Variants in FAS observed in about 807,000 individuals in gnomAD.
FAS encodes Fas cell surface death receptor.
FAS carries 5 observed loss-of-function variants against 33.2 expected under a neutral mutation model. The ratio of observed to expected loss-of-function variants is 0.15; its 90% CI spans 0.08 to 0.32. FAS has a LOEUF of 0.32. FAS is among the 10% of genes least tolerant of loss of function. The pLI is 1.00. For synonymous variants in FAS, 131 were observed against 130.7 expected, an observed-to-expected ratio of 1.00 and a Z score of -0.01; for missense variants, 339 against 386.0, an observed-to-expected ratio of 0.88 and a Z score of 1.02.
At chr10:88,989,153 A>G (rs1393137918), upstream of FAS, among the ~76,000 whole-genome samples, 2 of 152,112 alleles carry the variant, frequency 1.3e-5, no homozygotes, top group Non-Finnish European at 2.9e-5. Flanking sequence ...CACTCATCTC[A>G]CTGGGCTATA....
At chr10:88,989,688 G>A (rs1403859695), upstream of FAS, 1 of 426,358 alleles carries the variant, frequency 2.3e-6, no homozygotes, top group Non-Finnish European at 4.6e-6. Context: ...TGTCAACTGA[G>A]AGGAAGCCTG....
intron 1 of FAS, among the ~76,000 whole-genome samples, chr10:88,997,289 T>A (rs904570136): frequency 1.3e-5 from 2 of 152,146 alleles, no homozygotes; most frequent in Non-Finnish European, 2.9e-5. Context: ...AGGATTCTGA[T>A]GTCTGTCGGG....
Position 89,014,391 on chromosome 10 carries a change from G to C in FAS, c.949G>C (p.Asp317His). 6.2e-7 allele frequency: 1 copy of C among 1,613,198 alleles called. No homozygotes were observed. Among genetic ancestry groups the C allele is most frequent in the Non-Finnish European group, 8.5e-7 (1 of 1,179,934 alleles). Residue 317 changes from aspartate (D) to histidine (H), a missense_variant, in exon 9 of 9, where the codon GAC (aspartate) becomes CAC (histidine). Around this residue, in one of 3 missense-constraint regions of FAS, gnomAD observed 52 missense variants for 52.7 expected, o/e 0.99. Transcript: ENST00000652046. ...AEKIQTIILK[D>H]ITSDSENSNF... is the part of the protein sequence containing the mutation. ...GAAAATTCAGACTATCATCCTCAAGGACATTACTAGTGACTCAGAAAATTC... is the reference window on the plus strand; with the variant it reads ...GAAAATTCAGACTATCATCCTCAAGCACATTACTAGTGACTCAGAAAATTC...
intron 7 of FAS, chr10:89,012,474 G>A (rs934935557): frequency 8.5e-5 from 19 of 222,928 alleles, no homozygotes; most frequent in Admixed American, 7.3e-4. Context: ...CATCACATCC[G>A]GCCTGTTACT....
rs1589495225 is a variant in FAS, at chr10:89,015,580, A to G, written c.*1130A>G. 1.9e-6 allele frequency: 1 copy of G among 518,330 alleles called. No homozygotes were observed. 32.1% of individuals were successfully genotyped at this position (518,330 alleles called of 1,614,324 possible). A position where few individuals can be genotyped will look rare whatever the true frequency, so the allele number is the denominator to read the frequency against. On this transcript the variant is annotated 3_prime_UTR_variant, in exon 9 of 9. Coordinates refer to ENST00000652046, the MANE Select transcript of FAS (RefSeq NM_000043.6). ...TTCTCCTTACTACTATCCTACGTTT[A>G]AATATCTTTGAAAGTTTGTATTAAA...
At chr10:88,990,589 C>T (rs938458478), upstream of FAS, 9 of 671,114 alleles carry the variant, frequency 1.3e-5, no homozygotes, top group African/African-American at 5.3e-5. The surrounding 1 kb of genome is among the most constrained non-coding windows in gnomAD (Gnocchi z 4.9). Flanking sequence ...CCCGGGCGTT[C>T]CCCAGCGAGG....
At chr10:89,001,430 C>T (rs765709362) in intron 1 of FAS, among the ~76,000 whole-genome samples, 10 of 151,794 alleles carry the variant, frequency 6.6e-5, no homozygotes, top group Admixed American at 1.3e-4. Context: ...CCATTTGCCA[C>T]ACTGACACTG....
chr10:88,978,364 T>C (rs550808325), intron 2 of FAS, among the ~76,000 whole-genome samples: 86 of 151,698 alleles, frequency 5.7e-4, no homozygotes, highest in Admixed American at 1.8e-3. Context: ...CTAACCTGCA[T>C]AATGTGCACA....
upstream of FAS, chr10:88,989,555 C>T: frequency 1.8e-6 from 1 of 542,222 alleles, no homozygotes; most frequent in South Asian, 1.4e-5. Flanking sequence ...CAGAGACAAG[C>T]CTATCAACAC....
intron 8 of FAS, among the ~76,000 whole-genome samples, 175 bp downstream of exon 8, chr10:89,013,542 A>AAT: frequency 6.6e-6 from 1 of 152,050 alleles, no homozygotes; most frequent in Non-Finnish European, 1.5e-5. Context: ...TAAATTTATA[A>AAT]TGAATACTCA....
chr10:88,975,294 C>T (rs757977565), intron 2 of FAS: 15 of 152,178 alleles, frequency 9.9e-5, no homozygotes, highest in African/African-American at 2.6e-4. Flanking sequence ...AAATCAGAGG[C>T]GGAAGAAACC....
At chr10:88,985,643 G>T (rs1251746964), upstream of FAS, among the ~76,000 whole-genome samples, 1 of 152,160 alleles carries the variant, frequency 6.6e-6, no homozygotes, top group Non-Finnish European at 1.5e-5. Context: ...CTGGTAAAGA[G>T]TCCCCCACCC....
At chr10:88,982,901 C>T (rs1430350152), upstream of FAS, among the ~76,000 whole-genome samples, 1 of 152,046 alleles carries the variant, frequency 6.6e-6, no homozygotes, top group Non-Finnish European at 1.5e-5. Flanking sequence ...GTTAATTGGT[C>T]CTTATCTGTT....
At chr10:88,985,901 T>C (rs1339684230), upstream of FAS, among the ~76,000 whole-genome samples, 2 of 152,228 alleles carry the variant, frequency 1.3e-5, no homozygotes, top group Non-Finnish European at 2.9e-5. Flanking sequence ...CCACTAGTAG[T>C]TTGGGAAACA....
chr10:88,970,399 C>G (rs1336146323), intron 1 of FAS, among the ~76,000 whole-genome samples: 1 of 152,072 alleles, frequency 6.6e-6, no homozygotes, highest in Non-Finnish European at 1.5e-5. Flanking sequence ...TTCTGACTTC[C>G]ATTTCACTTT....
intron 2 of FAS, among the ~76,000 whole-genome samples, chr10:89,005,531 T>TGTA (rs1848179121): frequency 1.3e-5 from 2 of 152,194 alleles, no homozygotes; most frequent in African/African-American, 4.8e-5. Context: ...TACACACCTG[T>TGTA]TATATATATG....
chr10:89,003,599 A>G (rs1848056254), intron 2 of FAS, among the ~76,000 whole-genome samples: 1 of 152,226 alleles, frequency 6.6e-6, no homozygotes, highest in South Asian at 2.1e-4. Context: ...CCCTTCAATC[A>G]GAAGGTCTCT....
upstream of FAS, among the ~76,000 whole-genome samples, chr10:88,984,848 G>A (rs1846829200): frequency 6.6e-6 from 1 of 152,216 alleles, no homozygotes; most frequent in Non-Finnish European, 1.5e-5. Context: ...GGGAGAGCCT[G>A]ATCTGATGAT....
intron 6 of FAS, among the ~76,000 whole-genome samples, chr10:89,011,456 T>A (rs1379216593): frequency 1.3e-5 from 2 of 152,258 alleles, no homozygotes; most frequent in African/African-American, 4.8e-5. Flanking sequence ...TTCAGTTCAG[T>A]TGAAGAAGAA....
Sources: allele counts gnomAD v4.1 joint callset (sites outside exome capture counted in the v4.1 genomes callset), GRCh38; gene constraint gnomAD v4.1.1; regional missense constraint gnomAD v4.1.1; non-coding constraint Gnocchi (gnomAD v3.1); transcripts MANE v1.5; gene names NCBI Gene and HGNC (gene_info 2026-07-23, HGNC 2026-07-21).